Variants in B3GALNT2 observed in about 807,000 individuals in gnomAD.
B3GALNT2 encodes beta-1,3-N-acetylgalactosaminyltransferase 2, also known as UDP-GalNAc:beta-1,3-N-acetylgalactosaminyltransferase 2.
Under a neutral mutation model 61.1 loss-of-function variants are expected in B3GALNT2, and 53 were observed. The ratio of observed to expected loss-of-function variants is 0.87; its 90% CI spans 0.70 to 1.09. The LOEUF (loss-of-function observed/expected upper bound fraction) is 1.09. Ranked by LOEUF, B3GALNT2 falls within the 50% of genes least tolerant of loss-of-function variation. B3GALNT2 has a pLI of 0.00. For synonymous variants in B3GALNT2, 223 were observed against 237.4 expected, an observed-to-expected ratio of 0.94 and a Z score of 0.56; for missense variants, 544 against 623.0, an observed-to-expected ratio of 0.87 and a Z score of 1.35.
At chr1:235,455,518 C>G in intron 9 of B3GALNT2, 41 bp downstream of exon 9, 1 of 1,581,518 alleles carries the variant, frequency 6.3e-7, no homozygotes, top group Middle Eastern at 1.7e-4. Flanking sequence ...TACATTTGAT[C>G]AGGTACACGA....
chr1:235,484,252 A>G, intron 4 of B3GALNT2, 70 bp downstream of exon 4: 1 of 1,512,142 alleles, frequency 6.6e-7, no homozygotes, highest in Non-Finnish European at 8.8e-7. Context: ...TACTTACTGT[A>G]TGTCACAAGG....
intron 8 of B3GALNT2, 38 bp downstream of exon 8, chr1:235,458,565 A>AT: frequency 6.5e-7 from 1 of 1,541,112 alleles, no homozygotes; most frequent in Non-Finnish European, 8.7e-7. Context: ...AACTAACAAT[A>AT]AAACAAGTTC....
At chr1:235,475,674 A>AT (rs923282954) in intron 5 of B3GALNT2, among the ~76,000 whole-genome samples, 1 of 152,166 alleles carries the variant, frequency 6.6e-6, no homozygotes, top group Non-Finnish European at 1.5e-5. Context: ...ACAGGAGAGA[A>AT]TTTTTTTAAT....
chr1:235,470,906 T>C lies in B3GALNT2; in HGVS notation c.706A>G (p.Arg236Gly), dbSNP rs113948040. The change falls in exon 6 of 12, where the codon AGA becomes GGA. Residue 236 changes from arginine (R) to glycine (G), a missense_variant. Physicochemically the swap from Arg to Gly is moderately radical, Grantham distance 125. Coordinates refer to ENST00000366600, the MANE Select transcript of B3GALNT2 (RefSeq NM_152490.5). Reference sequence around the variant, plus strand: ...TTCACTGTCACTTTGTGGAGATTTCTTGACACAAGGCCGTGGAGGTCTTGG... The same window carrying C: ...TTCACTGTCACTTTGTGGAGATTTCCTGACACAAGGCCGTGGAGGTCTTGG... ...ESQDLHGLVS[R>G]NLHKVTVNDG... 3.2e-5 allele frequency: 52 copies of C among 1,614,038 alleles called. No individual in the cohort carries two copies. Among genetic ancestry groups the C allele is most frequent in the Admixed American group, 1.8e-4 (11 of 60,000 alleles).
chr1:235,494,721 A>G lies in B3GALNT2; in HGVS notation c.220T>C (p.Trp74Arg). The G allele has an allele frequency of 2.5e-6, 4 of 1,613,384 alleles. No individual in the cohort carries two copies. Among genetic ancestry groups the G allele is most frequent in the Non-Finnish European group, 3.4e-6 (4 of 1,179,380 alleles). ...HELRNVIRST[W>R]MRHLLQHPTL... ...GGATGCTGTAGCAAATGTCTCATCC[A>G]GGTGCTTCTTATCACGTTTCGAAGT... The change falls in exon 2 of 12, where the codon TGG becomes CGG. Residue 74 changes from tryptophan to arginine, a missense_variant. Trp to Arg is a moderately radical substitution (Grantham distance 101, BLOSUM62 -3). Transcript: ENST00000366600.
chr1:235,468,163 A>G (rs149234138), intron 6 of B3GALNT2, among the ~76,000 whole-genome samples: 1 of 152,278 alleles, frequency 6.6e-6, no homozygotes, highest in East Asian at 1.9e-4. Flanking sequence ...CTTCTCTCTA[A>G]AAGGTCACAA....
chr1:235,467,483 C>CTT (rs373792377), intron 6 of B3GALNT2, among the ~76,000 whole-genome samples: 9 of 116,598 alleles, frequency 7.7e-5, no homozygotes, highest in East Asian at 7.0e-4. Context: ...TACTTATTTA[C>CTT]TTTTTTTTTT....
chr1:235,443,090 C>A, downstream of B3GALNT2: 1 of 659,036 alleles, frequency 1.5e-6, no homozygotes, highest in Admixed American at 2.8e-5. Context: ...CCCCCATGCC[C>A]CCAAAAGTTC....
At position 235,471,169 on chromosome 1, in the gene B3GALNT2, A is replaced by C. The variant is rs986700384; in HGVS notation, c.652-209T>G. Among the ~76,000 whole-genome samples the C allele has an allele frequency of 7.9e-5, 12 of 152,206 alleles. 2 individuals carry two copies. The highest frequency in any genetic ancestry group is 6.5e-4 in the Admixed American group (10 of 15,280). ...CACATATAAAAAACCAATTACAAAG[A>C]GTATATACACAATTTTGCATACTGC... On this transcript the variant is annotated intron_variant, in intron 5 of 11. Transcript: ENST00000366600.
chr1:235,441,817 A>T, the B3GALNT2 span: 3 of 1,613,848 alleles, frequency 1.9e-6, no homozygotes, highest in South Asian at 3.3e-5. Flanking sequence ...TAAACAGAAT[A>T]TGGTGCACCT....
At chr1:235,473,451 A>T (rs1370089939) in intron 5 of B3GALNT2, among the ~76,000 whole-genome samples, 1 of 152,234 alleles carries the variant, frequency 6.6e-6, no homozygotes, top group African/African-American at 2.4e-5. Flanking sequence ...GATAACTCTC[A>T]TGATTCTGGT....
chr1:235,502,286 T>C (rs1185365044), intron 1 of B3GALNT2, among the ~76,000 whole-genome samples: 1 of 152,242 alleles, frequency 6.6e-6, no homozygotes, highest in Non-Finnish European at 1.5e-5. Flanking sequence ...GTGTTGGGAT[T>C]ACAGGCGTGA....
At chr1:235,480,298 T>A in intron 4 of B3GALNT2, 149 bp from the exon 5 acceptor site, 1 of 1,263,136 alleles carries the variant, frequency 7.9e-7, no homozygotes, top group South Asian at 1.6e-5. Flanking sequence ...GGTTTTGGCA[T>A]CACTGGGTTT....
chr1:235,448,356 GAC>G lies in B3GALNT2; in HGVS notation c.*1848_*1849del. The G allele has an allele frequency of 4.3e-6, 7 of 1,613,812 alleles. No homozygotes were observed. Among genetic ancestry groups the G allele is most frequent in the African/African-American group, 1.3e-5 (1 of 75,024 alleles). On this transcript the variant is annotated 3_prime_UTR_variant, in exon 12 of 12. Transcript: ENST00000366600. ...TTTCTTGTCTTTTGATAGGCTCCAT[GAC>G]AATTCAAAAGGTGAAGGGATTGCTG... is the stretch of plus-strand genomic sequence containing the variant.
intron 11 of B3GALNT2, chr1:235,452,329 T>C (rs1682955891): frequency 6.6e-6 from 1 of 152,078 alleles, no homozygotes; most frequent in South Asian, 2.1e-4. Flanking sequence ...GAAACTGAGT[T>C]TTTTTGTAGG....
Position 235,458,792 on chromosome 1 carries a change from A to C in B3GALNT2, c.842-6T>G, listed in dbSNP as rs1187623137. 5 of 1,572,464 alleles carry C rather than the reference A, an allele frequency of 3.2e-6. No homozygotes were observed. The highest frequency in any genetic ancestry group is 4.3e-6 in the Non-Finnish European group (5 of 1,162,450). ...GTGTAAGAGAGCATCACCTTCTATA[A>C]AGGAAAAGTTGAGAGTTGGAGAAAA... On this transcript the variant is annotated splice_region_variant and splice_polypyrimidine_tract_variant and intron_variant, in intron 7 of 11. Transcript: ENST00000366600.
At position 235,450,275 on chromosome 1, in the gene B3GALNT2, C is replaced by A. The variant is rs754116208; in HGVS notation, c.1434G>T (p.Pro478=). Residue 478 remains proline (P), a synonymous_variant, in exon 12 of 12, where the codon CCG becomes CCT. Coordinates refer to ENST00000366600, the MANE Select transcript of B3GALNT2 (RefSeq NM_152490.5). ...TGMLSSPQYS[P]WELTELWKLK... ...GTTTCCACAGTTCCGTCAGTTCCCACGGAGAATACTGAGGAGAAGACAGCA... is the reference window on the plus strand; with the variant it reads ...GTTTCCACAGTTCCGTCAGTTCCCAAGGAGAATACTGAGGAGAAGACAGCA... 1.9e-6 allele frequency: 3 copies of A among 1,613,860 alleles called. No individual in the cohort carries two copies. Among genetic ancestry groups the A allele is most frequent in the Non-Finnish European group, 2.5e-6 (3 of 1,179,878 alleles).
chr1:235,468,450 CTTTTTTTTTTTT>C (rs58494716), intron 6 of B3GALNT2, among the ~76,000 whole-genome samples: 1 of 87,388 alleles, frequency 1.1e-5, no homozygotes, highest in Non-Finnish European at 2.1e-5. Context: ...AGAAACCTAC[CTTTTTTTTTTTT>C]TTTTTTTTTG....
At position 235,455,706 on chromosome 1, in the gene B3GALNT2, G is replaced by A. The variant is rs763426619; in HGVS notation, c.1026-22C>T. 22 of 1,599,904 alleles carry A rather than the reference G, an allele frequency of 1.4e-5. No individual in the cohort carries two copies. The African/African-American group carries it at 1.5e-4, about 11-fold the overall frequency. ...AGTCCTGTTGACACAAAAGGGATAA[G>A]AAAGTCAGTGCGACCAAACAAACAA... is the stretch of plus-strand genomic sequence containing the variant. On this transcript the variant is annotated intron_variant, in intron 8 of 11. Transcript: ENST00000366600.
Sources: allele counts gnomAD v4.1 joint callset (sites outside exome capture counted in the v4.1 genomes callset), GRCh38; gene constraint gnomAD v4.1.1; transcripts MANE v1.5; gene names NCBI Gene and HGNC (gene_info 2026-07-23, HGNC 2026-07-21).